The following NOTCH3 variants were observed in gnomAD, a reference collection of about 807,000 sequenced individuals.
The protein encoded by NOTCH3 is notch receptor 3, also known as neurogenic locus notch homolog protein 3.
In NOTCH3, 86 loss-of-function variants were observed where a neutral mutation model predicts 213.3. The ratio of observed to expected loss-of-function variants is 0.40; its 90% CI spans 0.34 to 0.48. NOTCH3 has a LOEUF of 0.48. Ranked by LOEUF, NOTCH3 falls within the 20% of genes least tolerant of loss-of-function variation. The pLI, the probability that NOTCH3 is intolerant of heterozygous loss-of-function variation, is 0.57. For synonymous variants in NOTCH3, 1,354 were observed against 1,355.9 expected, an observed-to-expected ratio of 1.00 and a Z score of 0.03; for missense variants, 2,783 against 3,272.6, an observed-to-expected ratio of 0.85 and a Z score of 3.65.
At position 15,174,191 on chromosome 19, in the gene NOTCH3, A is replaced by G. The variant is rs1386482488; in HGVS notation, c.4613T>C (p.Ile1538Thr). The G allele has an allele frequency of 3.7e-6, 6 of 1,608,538 alleles. No homozygotes were observed. Among genetic ancestry groups the G allele is most frequent in the Non-Finnish European group, 4.2e-6 (5 of 1,179,444 alleles). Reference protein sequence around the residue: ...SADFLQRLSAILRTSLRFRLD... With the variant: ...SADFLQRLSATLRTSLRFRLD... ...GCGGAAGCGCAGCGAGGTGCGCAGG[A>G]TGGCGCTGAGCCGCTGCAGAAAGTC... Residue 1538 changes from isoleucine to threonine, a missense_variant, in exon 25 of 33, where the codon ATC becomes ACC. Physicochemically the swap from Ile to Thr is moderately conservative, Grantham distance 89 (BLOSUM62 -1). Coordinates refer to ENST00000263388, the MANE Select transcript of NOTCH3 (RefSeq NM_000435.3).
Position 15,161,421 on chromosome 19 carries a change from C to A in NOTCH3, c.6207G>T (p.Lys2069Asn). 5.9e-6 allele frequency: 9 copies of A among 1,531,934 alleles called. No homozygotes were observed. The highest frequency in any genetic ancestry group is 7.9e-6 in the Non-Finnish European group (9 of 1,137,956). The allele number at this position is 1,531,934 out of a possible 1,614,324, so 94.9% of individuals were successfully genotyped here. ...GGGGCCCCTGCGGCCCCAGCCCCGC[C>A]TTCCCGGGGGGCCTCCTGCTCTTCT... ...GSKKSRRPPG[K>N]AGLGPQGPRG... is the part of the protein sequence containing the mutation. Residue 2069 changes from lysine to asparagine, a missense_variant, in exon 33 of 33, where the codon AAG (lysine) becomes AAT (asparagine). Transcript: ENST00000263388.
intron 28 of NOTCH3, among the ~76,000 whole-genome samples, chr19:15,168,565 G>A (rs1384455937): frequency 1.3e-5 from 2 of 152,128 alleles, no homozygotes; most frequent in African/African-American, 2.4e-5. Flanking sequence ...CGGGCACGGT[G>A]GCTCACGTCT....
rs759431957 is a variant in NOTCH3, at chr19:15,167,289, G to A, written c.5322C>T (p.Asp1774=). The A allele has an allele frequency of 4.3e-5, 70 of 1,613,502 alleles. No individual in the cohort carries two copies. Among genetic ancestry groups the A allele is most frequent in the African/African-American group, 1.6e-4 (12 of 74,954 alleles). The change falls in exon 29 of 33, where the codon GAC becomes GAT. Residue 1774 remains aspartate (D), a synonymous_variant. Coordinates refer to ENST00000263388, the MANE Select transcript of NOTCH3 (RefSeq NM_000435.3). ...PAMALTPPQG[D]ADADGMDVNV... Reference sequence around the variant, plus strand: ...TGACATCCATGCCATCAGCATCTGCGTCGCCCTGTGGTGGTGTCAGTGCCA... The same window carrying A: ...TGACATCCATGCCATCAGCATCTGCATCGCCCTGTGGTGGTGTCAGTGCCA...
rs1241469110 is a variant in NOTCH3 at position 15,184,599 on chromosome 19, A to G, written c.2411-149T>C. 3 of 764,864 alleles carry G rather than the reference A, an allele frequency of 3.9e-6. No homozygotes were observed. The African/African-American group carries it at 5.2e-5, about 13-fold the overall frequency. 47.4% of individuals were successfully genotyped at this position (764,864 alleles called of 1,614,324 possible). On this transcript the variant is annotated intron_variant, in intron 15 of 32. Transcript: ENST00000263388. ...TCGTGTCTGGGCATTTTGCATATGC[A>G]GTTTCAGAATGGCCGTCTCCCTGTC...
intron 1 of NOTCH3, among the ~76,000 whole-genome samples, chr19:15,199,586 G>T (rs1168516687): frequency 6.6e-6 from 1 of 152,178 alleles, no homozygotes; most frequent in South Asian, 2.1e-4. Flanking sequence ...CGTGCAGCTG[G>T]GTGTGTCTTT....
At position 15,170,157 on chromosome 19, in the gene NOTCH3, C is replaced by T. The variant is rs1452866683; in HGVS notation, c.5128G>A (p.Gly1710Ser). 2 of 1,605,140 alleles carry T rather than the reference C, an allele frequency of 1.2e-6. No individual in the cohort carries two copies. Among genetic ancestry groups the T allele is most frequent in the Non-Finnish European group, 1.7e-6 (2 of 1,175,578 alleles). ...GCCACCTCCCCCATCAGGCTCTCAC[C>T]CTTGGCCATGTTCCTGGCGGACAAT... ...DALGMKNMAK[G>S]ESLMGEVATD... Residue 1710 changes from glycine (G) to serine (S), a missense_variant, in exon 28 of 33, where the codon GGT becomes AGT. By Grantham distance (56) the Gly-to-Ser change is moderately conservative. Coordinates refer to ENST00000263388, the MANE Select transcript of NOTCH3 (RefSeq NM_000435.3).
chr19:15,192,008 T>G lies in NOTCH3; in HGVS notation c.631A>C (p.Thr211Pro). ...GTGAGGTCGCCACTCTGCCTGCAGG[T>G]GCCCCCGTTACGGCATGGTGAGGGT... ...CAPSPCRNGG[T>P]CRQSGDLTYD... Residue 211 changes from threonine to proline, a missense_variant, in exon 4 of 33, where the codon ACC (threonine) becomes CCC (proline). Thr to Pro is a conservative substitution (Grantham distance 38). Transcript: ENST00000263388. 6.2e-7 allele frequency: 1 copy of G among 1,613,206 alleles called. No homozygotes were observed.
chr19:15,189,555 G>T (rs908881342), intron 6 of NOTCH3, 127 bp from the exon 7 acceptor site: 1 of 1,192,904 alleles, frequency 8.4e-7, no homozygotes, highest in Admixed American at 1.9e-5. Context: ...TTTCGCTCTT[G>T]TTGCCCAAGC....
intron 16 of NOTCH3, among the ~76,000 whole-genome samples, chr19:15,182,951 C>T (rs889070696): frequency 3.3e-5 from 5 of 152,092 alleles, no homozygotes; most frequent in African/African-American, 1.2e-4. Flanking sequence ...CGATTATATA[C>T]ATTCAATAAA....
intron 24 of NOTCH3, among the ~76,000 whole-genome samples, chr19:15,176,847 C>A (rs1466382756): frequency 6.9e-6 from 1 of 145,132 alleles, no homozygotes; most frequent in South Asian, 2.2e-4. Flanking sequence ...CCAAGGCGGG[C>A]GGATCACAAG....
At position 15,165,650 on chromosome 19, in the gene NOTCH3, T is replaced by C; in HGVS notation, c.5668-135A>G. On this transcript the variant is annotated intron_variant, in intron 30 of 32. Coordinates refer to ENST00000263388, the MANE Select transcript of NOTCH3 (RefSeq NM_000435.3). This position sits in a 1 kb window ranked among gnomAD's most constrained non-coding sequence, Gnocchi z 4.7. ...TGGTGAGGTTCAGGGAGCAGCTGCT[T>C]GACAGATACTGTATTCCCATATATC... is the stretch of plus-strand genomic sequence containing the variant. 7.8e-7 allele frequency: 1 copy of C among 1,274,546 alleles called. No individual in the cohort carries two copies. The highest frequency in any genetic ancestry group is 1.5e-5 in the African/African-American group (1 of 67,924). The allele number at this position is 1,274,546 out of a possible 1,614,324, so 79.0% of individuals were successfully genotyped here. A position where few individuals can be genotyped will look rare whatever the true frequency, so the allele number is the denominator to read the frequency against.
chr19:15,170,704 G>A lies in NOTCH3; in HGVS notation c.4858C>T (p.Leu1620=), dbSNP rs144401090. 112 of 1,592,472 alleles carry A rather than the reference G, an allele frequency of 7.0e-5. No individual in the cohort carries two copies. In the African/African-American group the frequency reaches 1.3e-3, roughly 19 times the overall value. Reference sequence around the variant, plus strand: ...TCCCGCAGTGGGTACGGGAAGTCCAGGCGCTCCACCGCTGACAACGCTCCC... The same window carrying A: ...TCCCGCAGTGGGTACGGGAAGTCCAAGCGCTCCACCGCTGACAACGCTCCC... ...YLGALSAVER[L]DFPYPLRDVR... is the part of the protein sequence containing the mutation. Residue 1620 remains leucine (L), a synonymous_variant, in exon 26 of 33, where the codon CTG becomes TTG. Coordinates refer to ENST00000263388, the MANE Select transcript of NOTCH3 (RefSeq NM_000435.3).
Position 15,181,733 on chromosome 19 carries a change from A to G in NOTCH3, c.2635T>C (p.Phe879Leu), listed in dbSNP as rs1270010160. Residue 879 changes from phenylalanine (F) to leucine (L), a missense_variant, in exon 17 of 33, where the codon TTC (phenylalanine) becomes CTC (leucine). This residue lies in a region of NOTCH3 where 861 missense variants were observed against 909.1 expected (regional missense o/e 0.95). Transcript: ENST00000263388. Reference protein sequence around the residue: ...GSFSCSCLPGFAGPRCARDVD... With the variant: ...GSFSCSCLPGLAGPRCARDVD... ...TCGCGGGCGCATCGTGGGCCGGCGA[A>G]ACCAGGGAGGCAGGAGCAGGAAAAG... 3 of 1,574,538 alleles carry G rather than the reference A, an allele frequency of 1.9e-6. No individual in the cohort carries two copies. The Admixed American group carries it at 5.5e-5, about 29-fold the overall frequency.
chr19:15,190,022 C>T (rs1275650359), intron 6 of NOTCH3, among the ~76,000 whole-genome samples: 1 of 151,974 alleles, frequency 6.6e-6, no homozygotes, highest in Non-Finnish European at 1.5e-5. Flanking sequence ...CGTCTATAAT[C>T]CTAGCACTTT....
In NOTCH3 at chr19:15,161,203, C is replaced by T. The variant is rs1259276118; in HGVS notation, c.6425G>A (p.Gly2142Asp). ...GCGCCCTAGACCCGCCCGGCCTGGGCCACCAAGCTGTGCCAGAGACACTGC... is the reference window on the plus strand; with the variant it reads ...GCGCCCTAGACCCGCCCGGCCTGGGTCACCAAGCTGTGCCAGAGACACTGC... Reference protein sequence around the residue: ...ATAVSLAQLGGPGRAGLGRQP... With the variant: ...ATAVSLAQLGDPGRAGLGRQP... Residue 2142 changes from glycine to aspartate, a missense_variant, in exon 33 of 33, where the codon GGC (glycine) becomes GAC (aspartate). By Grantham distance (94) the Gly-to-Asp change is moderately conservative (BLOSUM62 -1). Transcript: ENST00000263388. 1 of 1,543,008 alleles carries T rather than the reference C, an allele frequency of 6.5e-7. No individual in the cohort carries two copies. Among genetic ancestry groups the T allele is most frequent in the South Asian group, 1.2e-5 (1 of 84,334 alleles).
intron 6 of NOTCH3, 113 bp from the exon 7 acceptor site, chr19:15,189,541 G>A: frequency 1.0e-5 from 14 of 1,336,286 alleles, no homozygotes; most frequent in South Asian, 2.4e-5. Context: ...TTTTTGAGAC[G>A]AAGTTTCGCT....
chr19:15,196,098 G>A (rs933230365), intron 2 of NOTCH3, among the ~76,000 whole-genome samples: 1 of 152,096 alleles, frequency 6.6e-6, no homozygotes, highest in East Asian at 1.9e-4. Context: ...GAGACTCGTG[G>A]GGGGTGGAGG....
chr19:15,197,438 A>T, intron 2 of NOTCH3, 62 bp downstream of exon 2: 6 of 976,622 alleles, frequency 6.1e-6, no homozygotes, highest in Non-Finnish European at 9.6e-6. Context: ...GAGAAGACAA[A>T]TCGCCCCTCC....
At chr19:15,174,012 C>A in intron 25 of NOTCH3, 56 bp downstream of exon 25, 1 of 1,396,056 alleles carries the variant, frequency 7.2e-7, no homozygotes, top group South Asian at 1.4e-5. Context: ...AGACCTGGAT[C>A]AACAGCATCT....
Sources: gnomAD v4.1 joint callset for allele counts (sites outside exome capture counted in the v4.1 genomes callset) on GRCh38, gnomAD v4.1.1 for gene constraint, gnomAD v4.1.1 regional missense constraint, Gnocchi (gnomAD v3.1) non-coding constraint, MANE v1.5 for transcripts, NCBI Gene and HGNC (gene_info 2026-07-23, HGNC 2026-07-21) for gene names.